ERC2: variants seen among roughly 807,000 people sequenced by gnomAD.
ERC2 encodes the protein ERC protein 2.
ERC2 carries 42 observed loss-of-function variants against 114.8 expected under a neutral mutation model. The ratio of observed to expected loss-of-function variants is 0.37; its 90% CI spans 0.29 to 0.47. The LOEUF (loss-of-function observed/expected upper bound fraction) is 0.47. ERC2 is among the 20% of genes least tolerant of loss of function. The pLI, the probability that ERC2 is intolerant of heterozygous loss-of-function variation, is 0.99. For missense variants in ERC2, 939 were observed against 1,150.7 expected (o/e 0.82, Z 2.66); for synonymous variants, 454 against 425.5 (o/e 1.07, Z -0.82).
intron 2 of ERC2, among the ~76,000 whole-genome samples, chr3:56,397,924 G>C (rs4974138): frequency 1.3e-5 from 2 of 151,936 alleles, no homozygotes; most frequent in Non-Finnish European, 2.9e-5. Context: ...GCAGAAGAAG[G>C]GGGGACAAAA....
chr3:55,848,998 C>T (rs1192323930), intron 14 of ERC2, among the ~76,000 whole-genome samples: 1 of 152,126 alleles, frequency 6.6e-6, no homozygotes, highest in African/African-American at 2.4e-5. Context: ...ATCTTAGGCA[C>T]TTAAATATTT....
chr3:55,865,273 T>C (rs907187859), intron 14 of ERC2, among the ~76,000 whole-genome samples: 5 of 152,180 alleles, frequency 3.3e-5, no homozygotes, highest in Admixed American at 6.6e-5. Flanking sequence ...CACCAGTGCC[T>C]TTCACTTGGT....
Position 55,734,828 on chromosome 3 carries a change from T to G in ERC2, c.2655A>C (p.Glu885Asp). 6.2e-7 allele frequency: 1 copy of G among 1,613,358 alleles called. No homozygotes were observed. Among genetic ancestry groups the G allele is most frequent in the Non-Finnish European group, 8.5e-7 (1 of 1,179,582 alleles). The change falls in exon 15 of 18, where the codon GAA (glutamate) becomes GAC (aspartate). Residue 885 changes from glutamate to aspartate, a missense_variant. Glu to Asp is a conservative substitution (Grantham distance 45). This residue lies in a region of ERC2 where 328 missense variants were observed against 353.9 expected (regional missense o/e 0.93). Transcript: ENST00000288221. ...TTTCCCGCTTGAGGGCCATGACTTC[T>G]TCCTGCGTCTTTTTCTTTTTGGAGG... ...LSASKKKKTQ[E>D]EVMALKREKD... is the part of the protein sequence containing the mutation.
intron 17 of ERC2, among the ~76,000 whole-genome samples, chr3:55,562,943 T>C (rs56375615): frequency 0.087 from 13,218 of 152,250 alleles, 640 homozygotes; most frequent in African/African-American, 0.1. Context: ...AGCCATCCAC[T>C]GTAGTCCAGT....
chr3:56,414,156 G>A (rs1021258549), intron 2 of ERC2, among the ~76,000 whole-genome samples: 26 of 152,310 alleles, frequency 1.7e-4, no homozygotes, highest in South Asian at 6.2e-4. Flanking sequence ...TTCCCTGGAA[G>A]GGCCTCTGCA....
intron 14 of ERC2, among the ~76,000 whole-genome samples, chr3:55,850,255 T>G (rs1163668328): frequency 6.6e-6 from 1 of 151,986 alleles, no homozygotes; most frequent in Non-Finnish European, 1.5e-5. Flanking sequence ...ATACTTACAT[T>G]AATTACATCT....
At position 56,423,902 on chromosome 3, in the gene ERC2, A is replaced by G. The variant is rs570844718; in HGVS notation, c.657+10449T>C. Among the ~76,000 whole-genome samples the G allele has an allele frequency of 2.5e-4, 38 of 152,340 alleles. 1 individual carries two copies. The South Asian group carries it at 7.9e-3, about 32-fold the overall frequency. ...TCCTGCGAGGCCAAACCACTTATTG[A>G]GTCCAAATGCCAACTGGGGGTGGTG... On this transcript the variant is annotated intron_variant, in intron 2 of 17. Coordinates refer to ENST00000288221, the MANE Select transcript of ERC2 (RefSeq NM_015576.3).
At chr3:56,032,897 G>GAAAGAAAGAA (rs1409585196) in intron 7 of ERC2, among the ~76,000 whole-genome samples, 27 of 66,428 alleles carry the variant, frequency 4.1e-4, no homozygotes, top group East Asian at 8.6e-4. Context: ...GAGAGAGAGA[G>GAAAGAAAGAA]AGACAGAAAG....
intron 3 of ERC2, chr3:56,185,255 T>C (rs1299511627): frequency 6.6e-6 from 1 of 152,190 alleles, no homozygotes; most frequent in Admixed American, 6.6e-5. Flanking sequence ...TGGAGTATTA[T>C]TCCCATACTT....
chr3:56,025,118 T>C (rs2073960514), intron 7 of ERC2, among the ~76,000 whole-genome samples: 1 of 152,150 alleles, frequency 6.6e-6, no homozygotes, highest in Non-Finnish European at 1.5e-5. Context: ...TTGGGGAGCA[T>C]GAATGCACAG....
intron 14 of ERC2, among the ~76,000 whole-genome samples, chr3:55,881,057 T>C (rs781300331): frequency 2.0e-5 from 3 of 152,220 alleles, no homozygotes; most frequent in Non-Finnish European, 2.9e-5. Flanking sequence ...CCAAACTCCA[T>C]TTATCCTGTC....
chr3:56,032,106 C>T (rs989454486), intron 7 of ERC2, among the ~76,000 whole-genome samples: 2 of 152,218 alleles, frequency 1.3e-5, no homozygotes, highest in East Asian at 1.9e-4. Context: ...TCTCTCTACA[C>T]ACCAGCTCCT....
At chr3:55,911,236 C>G (rs1196818424) in intron 13 of ERC2, among the ~76,000 whole-genome samples, 1 of 152,094 alleles carries the variant, frequency 6.6e-6, no homozygotes, top group Non-Finnish European at 1.5e-5. Flanking sequence ...GGAAATAAAC[C>G]CAAATTGCTA....
chr3:55,667,867 G>C (rs868784906), intron 17 of ERC2, among the ~76,000 whole-genome samples: 13 of 152,136 alleles, frequency 8.5e-5, no homozygotes, highest in African/African-American at 3.1e-4. Flanking sequence ...TGGAGAACAT[G>C]CTCTATGCCA....
chr3:55,911,028 T>C (rs949312251), intron 13 of ERC2, among the ~76,000 whole-genome samples: 1 of 152,082 alleles, frequency 6.6e-6, no homozygotes, highest in East Asian at 1.9e-4. Flanking sequence ...TCTTCCCCTT[T>C]CCCTCCCTCC....
chr3:56,207,246 C>T (rs10433620), intron 3 of ERC2, among the ~76,000 whole-genome samples: 1 of 151,416 alleles, frequency 6.6e-6, no homozygotes, highest in African/African-American at 2.4e-5. Flanking sequence ...TTTTAATAAC[C>T]TTTTCCCTAA....
intron 12 of ERC2, among the ~76,000 whole-genome samples, chr3:55,974,694 T>C (rs929938720): frequency 7.2e-5 from 11 of 152,164 alleles, no homozygotes; most frequent in Non-Finnish European, 1.0e-4. Context: ...CAGAGCTGAC[T>C]GTCTCCAGTC....
intron 14 of ERC2, among the ~76,000 whole-genome samples, chr3:55,743,167 G>T (rs78077900): frequency 6.6e-6 from 1 of 152,184 alleles, no homozygotes; most frequent in African/African-American, 2.4e-5. Context: ...TAACACGGGG[G>T]CCATGGAGTC....
intron 14 of ERC2, among the ~76,000 whole-genome samples, chr3:55,741,867 C>T (rs1053696910): frequency 2.4e-4 from 37 of 152,030 alleles, no homozygotes; most frequent in Non-Finnish European, 4.3e-4. Context: ...ATTTTATCAA[C>T]GTGCAGCCTA....
Sources: gnomAD v4.1 joint callset for allele counts (sites outside exome capture counted in the v4.1 genomes callset) on GRCh38, gnomAD v4.1.1 for gene constraint, gnomAD v4.1.1 regional missense constraint, MANE v1.5 for transcripts, NCBI Gene and HGNC (gene_info 2026-07-23, HGNC 2026-07-21) for gene names.